LOXHD1: variants seen among roughly 807,000 people sequenced by gnomAD.
LOXHD1 encodes lipoxygenase homology PLAT domains 1.
LOXHD1 carries 205 observed loss-of-function variants against 248.2 expected under a neutral mutation model. That is an observed-to-expected ratio of 0.83 (90% CI 0.74 to 0.93). LOXHD1 has a LOEUF of 0.93. Among genes scored for constraint, LOXHD1 ranks in the 40% least tolerant of loss-of-function variants. The probability of loss-of-function intolerance (pLI) is 0.00; values close to 1 mark genes in which losing one functional copy is unlikely to be tolerated. For synonymous variants in LOXHD1, 1,113 were observed against 1,162.8 expected, an observed-to-expected ratio of 0.96 and a Z score of 0.87; for missense variants, 2,930 against 2,971.6, an observed-to-expected ratio of 0.99 and a Z score of 0.33.
chr18:46,524,963 C>T, intron 29 of LOXHD1, 46 bp from the exon 30 acceptor site: 2 of 1,542,716 alleles, frequency 1.3e-6, no homozygotes, highest in Non-Finnish European at 1.8e-6. Context: ...GTGCCACCCA[C>T]TCAACCCACT....
chr18:46,621,344 C>T (rs2038665992), intron 4 of LOXHD1, among the ~76,000 whole-genome samples: 1 of 152,222 alleles, frequency 6.6e-6, no homozygotes, highest in Admixed American at 6.5e-5. Flanking sequence ...TCTTTTACCT[C>T]CTTTATTTCA....
At chr18:46,599,844 A>G (rs1200890980) in intron 8 of LOXHD1, among the ~76,000 whole-genome samples, 1 of 152,228 alleles carries the variant, frequency 6.6e-6, no homozygotes, top group African/African-American at 2.4e-5. Context: ...TCATAAAAAT[A>G]AGAATTAAAA....
intron 18 of LOXHD1, among the ~76,000 whole-genome samples, chr18:46,560,946 T>C (rs149300278): frequency 1.3e-5 from 2 of 152,306 alleles, no homozygotes; most frequent in East Asian, 1.9e-4. Flanking sequence ...CTCCTCTACT[T>C]GCAGCTAAAA....
chr18:46,538,441 A>G, intron 25 of LOXHD1, 104 bp from the exon 26 acceptor site: 1 of 1,130,606 alleles, frequency 8.8e-7, no homozygotes, highest in African/African-American at 1.5e-5. Context: ...AGACCCTTGC[A>G]CTGGGGAACT....
chr18:46,627,746 CTCATT>C (rs1211501844), intron 4 of LOXHD1, among the ~76,000 whole-genome samples: 3 of 152,068 alleles, frequency 2.0e-5, no homozygotes, highest in Non-Finnish European at 4.4e-5. Flanking sequence ...CCCAAGTGCC[CTCATT>C]TCATTTCAAA....
At chr18:46,531,996 T>C (rs1397092621) in intron 28 of LOXHD1, among the ~76,000 whole-genome samples, 3 of 152,176 alleles carry the variant, frequency 2.0e-5, no homozygotes, top group Non-Finnish European at 2.9e-5. Context: ...TTACTTCTGG[T>C]GACAAAAAAG....
chr18:46,525,047 C>T, intron 29 of LOXHD1, 130 bp from the exon 30 acceptor site: 1 of 1,053,400 alleles, frequency 9.5e-7, no homozygotes, highest in Non-Finnish European at 1.4e-6. Context: ...CTGGGGAGCC[C>T]TCCAGGCCCA....
At chr18:46,547,897 T>C (rs1274967682) in intron 21 of LOXHD1, among the ~76,000 whole-genome samples, 2 of 152,236 alleles carry the variant, frequency 1.3e-5, no homozygotes, top group Non-Finnish European at 2.9e-5. Context: ...AAAAACATTA[T>C]TCATTGCTTA....
At position 46,649,203 on chromosome 18, in the gene LOXHD1, G is replaced by A. The variant is rs199536893; in HGVS notation, c.197C>T (p.Thr66Met). 4.2e-5 allele frequency: 65 copies of A among 1,551,784 alleles called. No homozygotes were observed. The highest frequency in any genetic ancestry group is 2.0e-4 in the Admixed American group (10 of 51,006). Reference protein sequence around the residue: ...GAGTDANVFITLFGENGLSPK... With the variant: ...GAGTDANVFIMLFGENGLSPK... ...AGAGAGCCCATTCTCTCCAAAAAGC[G>A]TGATGAAGACATTGGCATCCGTCCC... The change falls in exon 2 of 41, where the codon ACG (threonine) becomes ATG (methionine). Residue 66 changes from threonine to methionine, a missense_variant. Coordinates refer to ENST00000642948, the MANE Select transcript of LOXHD1 (RefSeq NM_001384474.1).
intron 29 of LOXHD1, among the ~76,000 whole-genome samples, chr18:46,527,355 G>C (rs2035873234): frequency 6.6e-6 from 1 of 152,176 alleles, no homozygotes; most frequent in African/African-American, 2.4e-5. Flanking sequence ...GCGTCAACTA[G>C]GGCAGGGGAC....
chr18:46,485,235 G>C (rs891859565), intron 38 of LOXHD1, 84 bp from the exon 39 acceptor site: 8 of 1,480,658 alleles, frequency 5.4e-6, no homozygotes, highest in African/African-American at 1.4e-5. Context: ...CACGGCCTCC[G>C]GTCCTTCATT....
chr18:46,512,651 C>T (rs1319557949), intron 34 of LOXHD1, among the ~76,000 whole-genome samples: 2 of 152,184 alleles, frequency 1.3e-5, no homozygotes, highest in Non-Finnish European at 2.9e-5. Context: ...TCCATGGCCA[C>T]CCTTGCAGCT....
intron 33 of LOXHD1, chr18:46,519,027 C>T (rs908818223): frequency 4.1e-6 from 4 of 985,430 alleles, no homozygotes; most frequent in Non-Finnish European, 4.8e-6. Flanking sequence ...TGAGGCGCAG[C>T]CTGCTCTTCC....
At chr18:46,560,054 C>CGGG in intron 19 of LOXHD1, 29 bp downstream of exon 19, 3 of 559,408 alleles carry the variant, frequency 5.4e-6, no homozygotes, top group Non-Finnish European at 8.9e-6. Flanking sequence ...CCACTCCCTC[C>CGGG]CCACCCCCAC....
intron 17 of LOXHD1, among the ~76,000 whole-genome samples, chr18:46,563,448 C>A (rs893527152): frequency 7.2e-5 from 11 of 152,114 alleles, no homozygotes; most frequent in Non-Finnish European, 1.6e-4. Flanking sequence ...AATGCCAAAT[C>A]TAAGCAATCA....
rs768334641 is a variant in LOXHD1, at chr18:46,560,167, C to T, written c.2977G>A (p.Glu993Lys). 1.9e-5 allele frequency: 30 copies of T among 1,551,156 alleles called. No homozygotes were observed. Among genetic ancestry groups the T allele is most frequent in the Admixed American group, 3.9e-5 (2 of 50,926 alleles). The change falls in exon 19 of 41, where the codon GAA becomes AAA. Residue 993 changes from glutamate (E) to lysine (K), a missense_variant. Coordinates refer to ENST00000642948, the MANE Select transcript of LOXHD1 (RefSeq NM_001384474.1). ...CCCCGGGCCAGCCAGCGGTGGGCTT[C>T]GAACTTGTGCTGCTCAATCACCTCC... ...MQEVIEQHKF[E>K]AHRWLARGKE...
chr18:46,579,911 C>G, intron 12 of LOXHD1, 127 bp from the exon 13 acceptor site: 1 of 1,128,750 alleles, frequency 8.9e-7, no homozygotes, highest in Non-Finnish European at 1.2e-6. Flanking sequence ...GACCTTCCCC[C>G]TTCCTCCCAA....
intron 12 of LOXHD1, among the ~76,000 whole-genome samples, chr18:46,588,427 C>CA (rs1406913665): frequency 3.3e-5 from 5 of 152,060 alleles, no homozygotes. Flanking sequence ...CAGAAGACAA[C>CA]AAAAAAACAC....
chr18:46,641,650 C>A (rs1012623305), intron 3 of LOXHD1, among the ~76,000 whole-genome samples: 1 of 152,168 alleles, frequency 6.6e-6, no homozygotes, highest in South Asian at 2.1e-4. Context: ...AATAACAGAA[C>A]GGACACTTGA....
Sources: gnomAD v4.1 joint callset for allele counts (sites outside exome capture counted in the v4.1 genomes callset) on GRCh38, gnomAD v4.1.1 for gene constraint, MANE v1.5 for transcripts, NCBI Gene and HGNC (gene_info 2026-07-23, HGNC 2026-07-21) for gene names.